TRPM3: variants seen among roughly 807,000 people sequenced by gnomAD.
TRPM3 encodes the protein long transient receptor potential channel 3.
TRPM3 carries 77 observed loss-of-function variants against 181.2 expected under a neutral mutation model. The observed-to-expected ratio is 0.42, with a 90% CI of 0.35 to 0.51. The LOEUF is 0.51. TRPM3 is among the 20% of genes least tolerant of loss of function. The pLI is 0.01. For synonymous variants in TRPM3, 745 were observed against 796.4 expected (o/e 0.94, Z 1.09); for missense variants, 1,759 against 2,196.7 (o/e 0.80, Z 3.98).
chr9:70,886,924 C>A (rs559219847), intron 1 of TRPM3, among the ~76,000 whole-genome samples: 3 of 152,248 alleles, frequency 2.0e-5, no homozygotes, highest in South Asian at 4.1e-4. Flanking sequence ...CTTGGCCACC[C>A]AAAGCGCTAG....
At position 71,297,473 on chromosome 9, in the gene TRPM3, G is replaced by A. The variant is rs139958994; in HGVS notation, c.183+149180C>T. 6.0e-4 allele frequency among the ~76,000 whole-genome samples: 91 copies of A among 152,250 alleles called. No individual in the cohort carries two copies. In the East Asian group the frequency reaches 0.011, roughly 18 times the overall value. On this transcript the variant is annotated intron_variant, in intron 1 of 24. Transcript: ENST00000357533. ...TTCTGCCAGCCTGGGGAGGCCTCAG[G>A]AAACTTACAATAATGGTGGAAGGGG... is the stretch of plus-strand genomic sequence containing the variant.
chr9:71,111,413 G>A (rs576942658), intron 1 of TRPM3, among the ~76,000 whole-genome samples: 5 of 152,112 alleles, frequency 3.3e-5, no homozygotes, highest in African/African-American at 1.2e-4. Context: ...TTTTCCCCTC[G>A]CCCCCAAAGG....
At position 70,591,042 on chromosome 9, in the gene TRPM3, T is replaced by TCCG; in HGVS notation, c.3209_3211dup (p.Ala1070dup). On this transcript the variant is annotated inframe_insertion, in exon 22 of 26. Coordinates refer to ENST00000677713, the MANE Select transcript of TRPM3 (RefSeq NM_001366145.2). ...ATAAACTTGCTTACGGTCTATCTGGTCCGCAAACACTTCCCCATAAATCAT... is the reference window on the plus strand; with the variant it reads ...ATAAACTTGCTTACGGTCTATCTGGTCCGCCGCAAACACTTCCCCATAAATCAT... 1.2e-6 allele frequency: 2 copies of TCCG among 1,614,156 alleles called. No individual in the cohort carries two copies. The highest frequency in any genetic ancestry group is 1.7e-6 in the Non-Finnish European group (2 of 1,180,024).
chr9:70,916,884 T>C lies in TRPM3; in HGVS notation c.178-52373A>G, dbSNP rs932775796. ...TCATAAATCAAACTTGAAAAGTCAG[T>C]GCTGGCAGATGGGGAGGCAAGTGGT... On this transcript the variant is annotated intron_variant, in intron 1 of 25. Transcript: ENST00000677713. 8 of 670,922 alleles carry C rather than the reference T, an allele frequency of 1.2e-5. No homozygotes were observed. In the Admixed American group the frequency reaches 2.4e-4, roughly 21 times the overall value. 41.6% of individuals were successfully genotyped at this position (670,922 alleles called of 1,614,324 possible).
chr9:70,960,371 GA>G (rs761198381), intron 1 of TRPM3, among the ~76,000 whole-genome samples: 33 of 152,020 alleles, frequency 2.2e-4, no homozygotes, highest in Non-Finnish European at 3.5e-4. Flanking sequence ...CCCATCCATG[GA>G]AAAAGGTCTC....
intron 1 of TRPM3, among the ~76,000 whole-genome samples, chr9:70,963,570 T>A (rs547164435): frequency 1.3e-5 from 2 of 152,130 alleles, no homozygotes; most frequent in African/African-American, 4.8e-5. Context: ...TGTTTGGTGA[T>A]AACACTTCGA....
chr9:70,679,502 G>C (rs2064882227), intron 9 of TRPM3, among the ~76,000 whole-genome samples: 1 of 152,238 alleles, frequency 6.6e-6, no homozygotes, highest in South Asian at 2.1e-4. Context: ...TTCCCCATTT[G>C]CTGTGAGTTT....
At position 71,235,357 on chromosome 9, in the gene TRPM3, T is replaced by C. The variant is rs540866823; in HGVS notation, c.183+211296A>G. ...CATATGTCACTATTTGAAACTGTAT[T>C]ATGCATTTTTTACGCTTTATTGTCT... is the stretch of plus-strand genomic sequence containing the variant. On this transcript the variant is annotated intron_variant, in intron 1 of 24. Coordinates refer to the TRPM3 transcript ENST00000357533. Among the ~76,000 whole-genome samples, 3 of 152,344 alleles carry C rather than the reference T, an allele frequency of 2.0e-5. No individual in the cohort carries two copies. The South Asian group carries it at 6.2e-4, about 32-fold the overall frequency.
intron 9 of TRPM3, among the ~76,000 whole-genome samples, chr9:70,647,813 G>T (rs545289716): frequency 2.0e-5 from 3 of 152,030 alleles, no homozygotes; most frequent in African/African-American, 7.2e-5. Context: ...ATGCCCAAAG[G>T]CTCCAAGAAC....
chr9:70,623,597 A>T (rs550217639), intron 14 of TRPM3, among the ~76,000 whole-genome samples: 1 of 152,224 alleles, frequency 6.6e-6, no homozygotes, highest in Non-Finnish European at 1.5e-5. Flanking sequence ...GAACAAAGGC[A>T]GTGGTACCCA....
chr9:71,221,189 T>A (rs1406803396), intron 1 of TRPM3, among the ~76,000 whole-genome samples: 1 of 152,234 alleles, frequency 6.6e-6, no homozygotes, highest in Non-Finnish European at 1.5e-5. Flanking sequence ...TCCTGACTCT[T>A]CCCTGTTCTG....
chr9:71,183,318 G>A (rs902536340), intron 1 of TRPM3, among the ~76,000 whole-genome samples: 3 of 152,116 alleles, frequency 2.0e-5, no homozygotes, highest in Admixed American at 6.6e-5. Context: ...GATAATGAAC[G>A]TAGAGGAACA....
chr9:70,921,469 T>C (rs2096652489), intron 1 of TRPM3, among the ~76,000 whole-genome samples: 1 of 152,200 alleles, frequency 6.6e-6, no homozygotes. Context: ...TAGCCAGGCC[T>C]TTCACTTCCA....
chr9:71,291,894 A>C (rs2085846136), intron 1 of TRPM3, among the ~76,000 whole-genome samples: 1 of 152,108 alleles, frequency 6.6e-6, no homozygotes, highest in Non-Finnish European at 1.5e-5. Flanking sequence ...CAGATGGGAC[A>C]TTTAGGAAAA....
chr9:70,625,409 G>A lies in TRPM3; in HGVS notation c.1668+73C>T. The A allele has an allele frequency of 1.3e-6, 2 of 1,586,694 alleles. No homozygotes were observed. Among genetic ancestry groups the A allele is most frequent in the Non-Finnish European group, 1.7e-6 (2 of 1,167,832 alleles). Reference sequence around the variant, plus strand: ...CTAGGGATTCTACTTCACGTATTCTGTAACTAGAGTAAAAAAAAAATAATG... The same window carrying A: ...CTAGGGATTCTACTTCACGTATTCTATAACTAGAGTAAAAAAAAAATAATG... On this transcript the variant is annotated intron_variant, in intron 13 of 25. Transcript: ENST00000677713. The surrounding 1 kb of genome is among the most constrained non-coding windows in gnomAD (Gnocchi z 4.8).
At chr9:71,062,583 A>G (rs1184585650) in intron 1 of TRPM3, among the ~76,000 whole-genome samples, 1 of 152,108 alleles carries the variant, frequency 6.6e-6, no homozygotes, top group African/African-American at 2.4e-5. Context: ...AGCAAATGCA[A>G]ATTCAATATA....
chr9:71,399,868 T>C (rs572175765), intron 1 of TRPM3, among the ~76,000 whole-genome samples: 2 of 152,288 alleles, frequency 1.3e-5, no homozygotes, highest in Admixed American at 1.3e-4. Flanking sequence ...GTTGATTTTT[T>C]TCTGAATATA....
intron 1 of TRPM3, among the ~76,000 whole-genome samples, chr9:71,345,031 C>T (rs1271723767): frequency 6.6e-6 from 1 of 152,152 alleles, no homozygotes; most frequent in Non-Finnish European, 1.5e-5. Flanking sequence ...TCATCAAAAC[C>T]ACAATGAGAT....
At chr9:70,878,886 C>T (rs181893838) in intron 1 of TRPM3, among the ~76,000 whole-genome samples, 6 of 152,164 alleles carry the variant, frequency 3.9e-5, no homozygotes, top group Admixed American at 3.3e-4. Context: ...TCAGATGATT[C>T]CCTTACATCT....
Sources: allele counts gnomAD v4.1 joint callset (sites outside exome capture counted in the v4.1 genomes callset), GRCh38; gene constraint gnomAD v4.1.1; non-coding constraint Gnocchi (gnomAD v3.1); transcripts MANE v1.5; gene names NCBI Gene and HGNC (gene_info 2026-07-23, HGNC 2026-07-21).